The following CALD1 variants were observed in gnomAD, a reference collection of about 807,000 sequenced individuals.
CALD1 encodes the protein caldesmon.
A neutral mutation model predicts 99.9 loss-of-function variants in CALD1; 33 were observed. The ratio of observed to expected loss-of-function variants is 0.33; its 90% CI spans 0.25 to 0.44. The LOEUF (loss-of-function observed/expected upper bound fraction) is 0.44, where lower values mean the gene tolerates loss of function less well. Ranked by LOEUF, CALD1 falls within the 20% of genes least tolerant of loss-of-function variation. The probability of loss-of-function intolerance (pLI) is 1.00; values close to 1 mark genes in which losing one functional copy is unlikely to be tolerated. For synonymous variants in CALD1, 310 were observed against 325.0 expected (o/e 0.95, Z 0.50); for missense variants, 861 against 962.1 (o/e 0.89, Z 1.39).
At chr7:134,891,602 C>A in intron 3 of CALD1, 1 of 1,605,400 alleles carries the variant, frequency 6.2e-7, no homozygotes, top group Non-Finnish European at 8.5e-7. Flanking sequence ...TGCCCCGCCG[C>A]CCCTTCCCAA....
intron 3 of CALD1, among the ~76,000 whole-genome samples, chr7:134,901,663 C>T (rs1023352329): frequency 6.6e-6 from 1 of 152,126 alleles, no homozygotes; most frequent in Non-Finnish European, 1.5e-5. Flanking sequence ...ATCAGGGTGT[C>T]AGCAGGGCCA....
At chr7:134,854,688 T>C (rs920528150) in intron 2 of CALD1, among the ~76,000 whole-genome samples, 2 of 152,182 alleles carry the variant, frequency 1.3e-5, no homozygotes, top group Non-Finnish European at 2.9e-5. Flanking sequence ...CACAGGGCCA[T>C]AGCTTAGGAT....
chr7:134,867,021 T>TA (rs762320619), intron 2 of CALD1: 1 of 152,144 alleles, frequency 6.6e-6, no homozygotes, highest in Non-Finnish European at 1.5e-5. Context: ...TTTCCGGAAT[T>TA]AAAACCATCA....
At chr7:134,738,315 A>C in the CALD1 span, among the ~76,000 whole-genome samples, 5 of 152,186 alleles carry the variant, frequency 3.3e-5, no homozygotes, top group Admixed American at 2.6e-4. Context: ...TTTTGCATAA[A>C]AAATTGTTTT....
chr7:134,769,651 G>T (rs1362689373), intron 1 of CALD1, among the ~76,000 whole-genome samples: 1 of 151,608 alleles, frequency 6.6e-6, no homozygotes, highest in Non-Finnish European at 1.5e-5. Flanking sequence ...TTTTTTTTAA[G>T]ATGGAGTCTT....
At chr7:134,720,204 T>C in the CALD1 span, among the ~76,000 whole-genome samples, 3 of 143,382 alleles carry the variant, frequency 2.1e-5, no homozygotes, top group Non-Finnish European at 1.5e-5. Context: ...TTTTTTTTTT[T>C]CCTTGCAGAG....
At chr7:134,923,775 A>G (rs1033142286) in intron 3 of CALD1, among the ~76,000 whole-genome samples, 3 of 152,228 alleles carry the variant, frequency 2.0e-5, no homozygotes, top group African/African-American at 7.2e-5. Flanking sequence ...ATTAGCTTTC[A>G]TGCATTACTG....
At chr7:134,845,669 G>A (rs1247943871) in intron 2 of CALD1, among the ~76,000 whole-genome samples, 3 of 152,204 alleles carry the variant, frequency 2.0e-5, no homozygotes, top group East Asian at 1.9e-4. Flanking sequence ...AACCAGAGAT[G>A]TTCACAGTCA....
At chr7:134,742,771 C>T (rs1034482028), upstream of CALD1, among the ~76,000 whole-genome samples, 7 of 152,360 alleles carry the variant, frequency 4.6e-5, no homozygotes, top group East Asian at 1.9e-4. Flanking sequence ...CCTGTCTCCA[C>T]TGGAAGTTAG....
chr7:134,848,177 G>C (rs1296579259), intron 2 of CALD1, among the ~76,000 whole-genome samples: 1 of 146,976 alleles, frequency 6.8e-6, no homozygotes, highest in South Asian at 2.2e-4. Flanking sequence ...ATTAAATCTG[G>C]ATTTTTTTTT....
At chr7:134,834,531 T>C (rs1418983386) in intron 1 of CALD1, among the ~76,000 whole-genome samples, 1 of 152,226 alleles carries the variant, frequency 6.6e-6, no homozygotes. Context: ...CTGAGAAGCC[T>C]TGGGTAAACC....
intron 1 of CALD1, among the ~76,000 whole-genome samples, chr7:134,811,009 C>T (rs754894510): frequency 6.6e-6 from 1 of 152,154 alleles, no homozygotes; most frequent in Admixed American, 6.5e-5. Context: ...ATACCTCCAC[C>T]ACTTCCTTAT....
At chr7:134,938,972 C>T (rs932447413) in intron 6 of CALD1, among the ~76,000 whole-genome samples, 7 of 152,156 alleles carry the variant, frequency 4.6e-5, no homozygotes, top group Admixed American at 6.5e-5. Flanking sequence ...GGAATGTCTC[C>T]ATGCGTAGTG....
At chr7:134,894,676 A>T (rs1802434709) in intron 3 of CALD1, among the ~76,000 whole-genome samples, 1 of 152,182 alleles carries the variant, frequency 6.6e-6, no homozygotes, top group Non-Finnish European at 1.5e-5. Flanking sequence ...GAATGCCAAG[A>T]CCTACACAAG....
At chr7:134,835,858 A>G (rs1175870216) in intron 1 of CALD1, among the ~76,000 whole-genome samples, 1 of 152,146 alleles carries the variant, frequency 6.6e-6, no homozygotes, top group African/African-American at 2.4e-5. Context: ...GATAAAAGAT[A>G]AATGAGGCTA....
chr7:134,797,089 A>G (rs1290355708), intron 1 of CALD1, among the ~76,000 whole-genome samples: 1 of 152,050 alleles, frequency 6.6e-6, no homozygotes, highest in African/African-American at 2.4e-5. Context: ...CAGTGGCGCG[A>G]TCACAGCTCA....
intron 9 of CALD1, among the ~76,000 whole-genome samples, chr7:134,952,361 C>T (rs185062694): frequency 5.5e-4 from 84 of 151,986 alleles, no homozygotes; most frequent in African/African-American, 1.7e-3. Context: ...CATATGTGTA[C>T]GGTTATATCA....
chr7:134,937,152 T>C (rs1308638851), intron 6 of CALD1, among the ~76,000 whole-genome samples: 2 of 152,272 alleles, frequency 1.3e-5, no homozygotes, highest in Admixed American at 1.3e-4. Flanking sequence ...AAACACTGGA[T>C]TCTATATTTA....
intron 2 of CALD1, among the ~76,000 whole-genome samples, chr7:134,849,092 G>A (rs1799971905): frequency 6.6e-6 from 1 of 152,066 alleles, no homozygotes; most frequent in Non-Finnish European, 1.5e-5. Flanking sequence ...GACGTAAATT[G>A]TGATTTCTAA....
Sources: allele counts gnomAD v4.1 joint callset (sites outside exome capture counted in the v4.1 genomes callset), GRCh38; gene constraint gnomAD v4.1.1; transcripts MANE v1.5; gene names NCBI Gene and HGNC (gene_info 2026-07-23, HGNC 2026-07-21).